GSR: variants seen among roughly 807,000 people sequenced by gnomAD.
GSR encodes the protein glutathione-disulfide reductase, also known as glutathione reductase, mitochondrial.
GSR carries 48 observed loss-of-function variants against 56.5 expected under a neutral mutation model. The ratio of observed to expected loss-of-function variants is 0.85; its 90% CI spans 0.67 to 1.08. GSR has a LOEUF of 1.08. GSR is among the 50% of genes least tolerant of loss of function. The pLI is 0.00. For missense variants in GSR, 694 were observed against 703.3 expected, an observed-to-expected ratio of 0.99 and a Z score of 0.15; for synonymous variants, 264 against 270.8, an observed-to-expected ratio of 0.97 and a Z score of 0.25.
chr8:30,689,245 G>A lies in GSR; in HGVS notation c.957C>T (p.Val319=). ...AGTCAACATCTGGAATCATGGTCAT[G>A]ACTGGTAGCCTACCGGGAACTGCAG... ...MVTAVPGRLP[V]MTMIPDVDCL... Residue 319 remains valine, a synonymous_variant, in exon 9 of 13, where the codon GTC becomes GTT. Transcript: ENST00000221130. The A allele has an allele frequency of 6.2e-7, 1 of 1,613,784 alleles. No individual in the cohort carries two copies. Among genetic ancestry groups the A allele is most frequent in the Non-Finnish European group, 8.5e-7 (1 of 1,179,674 alleles).
At chr8:30,681,809 A>G (rs1403847839) in intron 11 of GSR, 121 bp downstream of exon 11, 1 of 941,536 alleles carries the variant, frequency 1.1e-6, no homozygotes, top group Non-Finnish European at 1.7e-6. Flanking sequence ...GAGAGTAACC[A>G]AAAAGCAATG....
At chr8:30,703,730 A>C (rs1803825684) in intron 4 of GSR, among the ~76,000 whole-genome samples, 1 of 146,502 alleles carries the variant, frequency 6.8e-6, no homozygotes, top group Non-Finnish European at 1.5e-5. Flanking sequence ...CTGGATGACA[A>C]AGTGAGGGGG....
At chr8:30,707,847 C>G (rs1335962549) in intron 4 of GSR, among the ~76,000 whole-genome samples, 1 of 151,988 alleles carries the variant, frequency 6.6e-6, no homozygotes, top group Non-Finnish European at 1.5e-5. Context: ...GTCCCAGCTA[C>G]TCAGGAGGCT....
intron 3 of GSR, among the ~76,000 whole-genome samples, chr8:30,708,459 CTAAA>C (rs1276990119): frequency 1.3e-5 from 2 of 152,168 alleles, no homozygotes; most frequent in African/African-American, 2.4e-5. Context: ...TAAACACTTG[CTAAA>C]TAAATAAATT....
Position 30,709,859 on chromosome 8 carries a change from T to C in GSR, c.377A>G (p.His126Arg). The change falls in exon 3 of 13, where the codon CAT (histidine) becomes CGT (arginine). Residue 126 changes from histidine (H) to arginine (R), a missense_variant. Transcript: ENST00000221130. Reference sequence around the variant, plus strand: ...ACAACTTGGAAAGCCATAATCAGCATGATCATGCATGAATTCAGAGTGGAC... The same window carrying C: ...ACAACTTGGAAAGCCATAATCAGCACGATCATGCATGAATTCAGAGTGGAC... Reference protein sequence around the residue: ...TAVHSEFMHDHADYGFPSCEG... With the variant: ...TAVHSEFMHDRADYGFPSCEG... 1.9e-6 allele frequency: 3 copies of C among 1,593,176 alleles called. No individual in the cohort carries two copies. The highest frequency in any genetic ancestry group is 2.6e-6 in the Non-Finnish European group (3 of 1,167,196).
intron 5 of GSR, 77 bp downstream of exon 5, chr8:30,703,016 C>G (rs1250568906): frequency 5.5e-6 from 8 of 1,456,886 alleles, no homozygotes; most frequent in Middle Eastern, 2.4e-4. Flanking sequence ...TAGGCAGATC[C>G]CCTGGCATGG....
intron 5 of GSR, among the ~76,000 whole-genome samples, chr8:30,702,354 A>C (rs970225090): frequency 9.2e-5 from 14 of 152,112 alleles, no homozygotes; most frequent in African/African-American, 3.4e-4. Flanking sequence ...TAATAAAATA[A>C]AATGCAAAAG....
intron 8 of GSR, among the ~76,000 whole-genome samples, chr8:30,690,456 CTGGGATCTCTGTATATTCTTA>C (rs1803343859): frequency 6.6e-6 from 1 of 152,070 alleles, no homozygotes; most frequent in South Asian, 2.1e-4. Flanking sequence ...GCCACTGTGC[CTGGGATCTCTGTATATTCTTA>C]ATTGGAATGA....
At chr8:30,721,588 G>A (rs1053364800) in intron 1 of GSR, among the ~76,000 whole-genome samples, 2 of 151,942 alleles carry the variant, frequency 1.3e-5, no homozygotes, top group African/African-American at 4.8e-5. Flanking sequence ...GGGAGGTGGA[G>A]GTTGCCGTGA....
chr8:30,699,911 C>A (rs935270268), intron 6 of GSR, among the ~76,000 whole-genome samples, 170 bp downstream of exon 6: 2 of 152,046 alleles, frequency 1.3e-5, no homozygotes. Context: ...TTTGAGGGAT[C>A]TACTGAGGAG....
intron 5 of GSR, among the ~76,000 whole-genome samples, chr8:30,702,167 A>G (rs1803766087): frequency 6.6e-6 from 1 of 152,048 alleles, no homozygotes; most frequent in Non-Finnish European, 1.5e-5. Context: ...ACTAAAGTAC[A>G]TAATTAGCTG....
intron 9 of GSR, among the ~76,000 whole-genome samples, chr8:30,684,899 C>T (rs1803103522): frequency 6.6e-6 from 1 of 151,926 alleles, no homozygotes. Context: ...GAGGCATGTG[C>T]CATCACACCT....
At chr8:30,686,510 T>C (rs955017277) in intron 9 of GSR, among the ~76,000 whole-genome samples, 5 of 152,030 alleles carry the variant, frequency 3.3e-5, no homozygotes, top group African/African-American at 1.2e-4. Flanking sequence ...CAGCGAGACC[T>C]TGTGTCTACA....
intron 8 of GSR, among the ~76,000 whole-genome samples, chr8:30,691,769 C>A (rs998620623): frequency 6.6e-6 from 1 of 151,518 alleles, no homozygotes; most frequent in Non-Finnish European, 1.5e-5. Context: ...TAATAAGACA[C>A]CTGAGCACAA....
intron 1 of GSR, among the ~76,000 whole-genome samples, chr8:30,726,581 A>G (rs939605707): frequency 1.6e-4 from 25 of 152,082 alleles, no homozygotes; most frequent in South Asian, 6.2e-4. Flanking sequence ...CAACATAGCG[A>G]GACCCCCATC....
At chr8:30,695,508 T>G (rs2467544) in intron 7 of GSR, among the ~76,000 whole-genome samples, 2 of 152,118 alleles carry the variant, frequency 1.3e-5, no homozygotes, top group Non-Finnish European at 2.9e-5. Flanking sequence ...TGCTGGGAAT[T>G]AGAGGCGTGA....
At chr8:30,700,723 C>CAAAAAAAAAAAAAAAAAAAAA (rs55702917) in intron 5 of GSR, among the ~76,000 whole-genome samples, 2 of 80,056 alleles carry the variant, frequency 2.5e-5, no homozygotes, top group Non-Finnish European at 4.7e-5. Flanking sequence ...ATTTTGTCTC[C>CAAAAAAAAAAAAAAAAAAAAA]AAAAAAAAAA....
At position 30,696,454 on chromosome 8, in the gene GSR, A is replaced by G; in HGVS notation, c.721T>C (p.Tyr241His). 1 of 1,612,872 alleles carries G rather than the reference A, an allele frequency of 6.2e-7. No homozygotes were observed. Among genetic ancestry groups the G allele is most frequent in the Non-Finnish European group, 8.5e-7 (1 of 1,178,822 alleles). The change falls in exon 7 of 13, where the codon TAC becomes CAC. Residue 241 changes from tyrosine (Y) to histidine (H), a missense_variant. Coordinates refer to ENST00000221130, the MANE Select transcript of GSR (RefSeq NM_000637.5). ...ATCCCTGCCATCTCCACAGCAATGTAACCTGCACCAACAATGACGCTGCGG... is the reference window on the plus strand; with the variant it reads ...ATCCCTGCCATCTCCACAGCAATGTGACCTGCACCAACAATGACGCTGCGG... The part of the protein sequence containing the change: ...PGRSVIVGAG[Y>H]IAVEMAGILS...
At chr8:30,698,718 G>C (rs1333562179) in intron 6 of GSR, among the ~76,000 whole-genome samples, 2 of 152,120 alleles carry the variant, frequency 1.3e-5, no homozygotes, top group Non-Finnish European at 2.9e-5. Context: ...CTCCCTAAAA[G>C]CCCTTCTAAA....
Sources: allele counts gnomAD v4.1 joint callset (sites outside exome capture counted in the v4.1 genomes callset), GRCh38; gene constraint gnomAD v4.1.1; transcripts MANE v1.5; gene names NCBI Gene and HGNC (gene_info 2026-07-23, HGNC 2026-07-21).